FOXP1: variants seen among roughly 807,000 people sequenced by gnomAD.
FOXP1 encodes the protein forkhead box protein P1.
Under a neutral mutation model 98.2 loss-of-function variants are expected in FOXP1, and 15 were observed. The observed-to-expected ratio is 0.15, with a 90% CI of 0.10 to 0.24. FOXP1 has a LOEUF of 0.24. Among genes scored for constraint, FOXP1 ranks in the 10% least tolerant of loss-of-function variants. The pLI is 1.00. For missense variants in FOXP1, 633 were observed against 848.5 expected (o/e 0.75, Z 3.15); for synonymous variants, 371 against 314.5 (o/e 1.18, Z -1.90).
intron 3 of FOXP1, among the ~76,000 whole-genome samples, chr3:71,470,287 T>C (rs891943333): frequency 1.9e-4 from 29 of 152,160 alleles, no homozygotes; most frequent in African/African-American, 5.8e-4. Flanking sequence ...ATCTACCACA[T>C]AGAGTTGTTA....
rs977092997 is a variant in FOXP1, at chr3:71,053,781, G to A, written c.283-8C>T. On this transcript the variant is annotated splice_polypyrimidine_tract_variant and splice_region_variant and intron_variant, in intron 7 of 20. Coordinates refer to ENST00000649528, the MANE Select transcript of FOXP1 (RefSeq NM_001349338.3). The stretch of plus-strand genomic sequence containing the variant: ...AGCCACTGACACGGGAACCTAGAAT[G>A]TTAATGAAGGATAAATAGGAAGCCA... 6.2e-7 allele frequency: 1 copy of A among 1,613,970 alleles called. No homozygotes were observed. The highest frequency in any genetic ancestry group is 1.1e-5 in the South Asian group (1 of 91,074).
intron 4 of FOXP1, among the ~76,000 whole-genome samples, chr3:71,328,475 G>A (rs2076058906): frequency 6.6e-6 from 1 of 152,118 alleles, no homozygotes; most frequent in South Asian, 2.1e-4. Context: ...GATGCCTGCT[G>A]GAGTCAGTGA....
intron 13 of FOXP1, among the ~76,000 whole-genome samples, chr3:71,000,380 T>C (rs1301661174): frequency 1.3e-5 from 2 of 151,976 alleles, no homozygotes; most frequent in Non-Finnish European, 2.9e-5. Context: ...CACGGTGAAC[T>C]CTCAGTTATT....
chr3:71,294,128 G>T (rs2073042446), intron 5 of FOXP1, among the ~76,000 whole-genome samples: 1 of 152,182 alleles, frequency 6.6e-6, no homozygotes, highest in Admixed American at 6.5e-5. Context: ...AGAATGCAGT[G>T]TAAGTGCTAA....
intron 2 of FOXP1, among the ~76,000 whole-genome samples, chr3:71,579,632 C>CTTTTTTTTTTTTTTTTTTTTTTTTTATT (rs35646548): frequency 8.1e-6 from 1 of 123,000 alleles, no homozygotes; most frequent in Non-Finnish European, 1.6e-5. Flanking sequence ...TTTCTTTTTT[C>CTTTTTTTTTTTTTTTTTTTTTTTTTATT]TTTTTTTTTT....
chr3:71,189,924 C>G (rs2108329311), intron 6 of FOXP1, among the ~76,000 whole-genome samples: 1 of 152,324 alleles, frequency 6.6e-6, no homozygotes, highest in East Asian at 1.9e-4. Context: ...AGGAGATGTT[C>G]AAGAAGCCAG....
At chr3:71,476,834 C>T (rs193009782) in intron 3 of FOXP1, among the ~76,000 whole-genome samples, 1 of 152,066 alleles carries the variant, frequency 6.6e-6, no homozygotes, top group Admixed American at 6.5e-5. Context: ...TGTGTTTGTT[C>T]TTAAATTATG....
intron 2 of FOXP1, among the ~76,000 whole-genome samples, chr3:71,577,412 C>T (rs978253824): frequency 6.6e-6 from 1 of 151,516 alleles, no homozygotes; most frequent in Non-Finnish European, 1.5e-5. Context: ...TGGTCACATG[C>T]TCATTGAAAT....
Position 71,332,876 on chromosome 3 carries a change from G to C in FOXP1, c.-73+26274C>G, listed in dbSNP as rs1451767564. 4 of 152,308 alleles carry C rather than the reference G, an allele frequency of 2.6e-5. No homozygotes were observed. In the East Asian group the frequency reaches 7.7e-4, roughly 29 times the overall value. 9.4% of individuals were successfully genotyped at this position (152,308 alleles called of 1,614,324 possible). A position where few individuals can be genotyped will look rare whatever the true frequency, so the allele number is the denominator to read the frequency against. On this transcript the variant is annotated intron_variant, in intron 4 of 20. Coordinates refer to ENST00000649528, the MANE Select transcript of FOXP1 (RefSeq NM_001349338.3). ...GGAAGAAGCAGAGGGCGGCAATGCA[G>C]CAACGGAAAGAACTGAGAAAAAGAA... is the stretch of plus-strand genomic sequence containing the variant.
chr3:71,302,818 A>T (rs1348657497), intron 4 of FOXP1: 1 of 152,172 alleles, frequency 6.6e-6, no homozygotes, highest in Admixed American at 6.5e-5. Context: ...AGTGACCACA[A>T]AAACCATGTC....
chr3:71,373,027 G>A (rs773485578), intron 3 of FOXP1, among the ~76,000 whole-genome samples: 19 of 152,156 alleles, frequency 1.2e-4, no homozygotes, highest in Non-Finnish European at 2.4e-4. Flanking sequence ...CCAGGTGCAA[G>A]AAGAAAAGTA....
At chr3:71,264,532 C>G (rs1320542108) in intron 5 of FOXP1, among the ~76,000 whole-genome samples, 1 of 152,206 alleles carries the variant, frequency 6.6e-6, no homozygotes, top group Non-Finnish European at 1.5e-5. Flanking sequence ...AGTCCTTAGA[C>G]TTCAGAAAAC....
intron 20 of FOXP1, among the ~76,000 whole-genome samples, chr3:70,963,185 C>T (rs2033961111): frequency 6.6e-6 from 1 of 152,146 alleles, no homozygotes; most frequent in African/African-American, 2.4e-5. Context: ...GGCTCGACTC[C>T]CAGTGCCTCA....
intron 3 of FOXP1, among the ~76,000 whole-genome samples, chr3:71,414,209 T>A (rs1350021840): frequency 6.6e-6 from 1 of 152,148 alleles, no homozygotes; most frequent in Non-Finnish European, 1.5e-5. Flanking sequence ...CCTGAGATTG[T>A]CTGCGGAACG....
At chr3:71,015,275 G>A (rs889178525) in intron 12 of FOXP1, among the ~76,000 whole-genome samples, 20 of 151,906 alleles carry the variant, frequency 1.3e-4, no homozygotes, top group Non-Finnish European at 1.8e-4. Context: ...TACTGGAATC[G>A]TTTTTTTTAA....
chr3:70,969,544 C>CTGTT (rs1559592140), intron 19 of FOXP1: 5 of 152,176 alleles, frequency 3.3e-5, no homozygotes, highest in Admixed American at 2.0e-4. Flanking sequence ...CCATAAATAT[C>CTGTT]TGTTTAATGC....
In FOXP1 at chr3:71,193,156, T is replaced by G. The variant is rs368924154; in HGVS notation, c.180+5046A>C. Among the ~76,000 whole-genome samples the G allele has an allele frequency of 7.7e-4, 111 of 144,844 alleles. 3 individuals are homozygous for G. Among genetic ancestry groups the G allele is most frequent in the African/African-American group, 2.8e-3 (105 of 37,848 alleles). ...TTGTTGTTGTTGTTGTTTATTTGTG[T>G]TTTTTTTTTGAGACGGAGTCTTGCT... On this transcript the variant is annotated intron_variant, in intron 6 of 20. Coordinates refer to ENST00000649528, the MANE Select transcript of FOXP1 (RefSeq NM_001349338.3).
intron 6 of FOXP1, among the ~76,000 whole-genome samples, chr3:71,153,245 TAGTGAATATACCAGCAGGAATACCCC>T (rs2060660456): frequency 6.6e-6 from 1 of 152,148 alleles, no homozygotes; most frequent in Non-Finnish European, 1.5e-5. Flanking sequence ...GAGCTCAGGC[TAGTGAATATACCAGCAGGAATACCCC>T]AGTGAGATGG....
intron 5 of FOXP1, among the ~76,000 whole-genome samples, chr3:71,252,165 T>G (rs1461405388): frequency 2.0e-5 from 3 of 152,234 alleles, no homozygotes; most frequent in African/African-American, 7.2e-5. Flanking sequence ...TTCCTTACTT[T>G]GTGCCTTTAA....
Sources: allele counts gnomAD v4.1 joint callset (sites outside exome capture counted in the v4.1 genomes callset), GRCh38; gene constraint gnomAD v4.1.1; transcripts MANE v1.5; gene names NCBI Gene and HGNC (gene_info 2026-07-23, HGNC 2026-07-21).